KLHL29: variants seen among roughly 807,000 people sequenced by gnomAD.
The protein encoded by KLHL29 is kelch-like protein 29.
Under a neutral mutation model 80.4 loss-of-function variants are expected in KLHL29, and 21 were observed. That is an observed-to-expected ratio of 0.26 (90% CI 0.19 to 0.38). The LOEUF is 0.38. KLHL29 is among the 10% of genes least tolerant of loss of function. The pLI, the probability that KLHL29 is intolerant of heterozygous loss-of-function variation, is 1.00. For missense variants in KLHL29, 867 were observed against 1,223.9 expected (o/e 0.71, Z 4.35); for synonymous variants, 511 against 526.8 (o/e 0.97, Z 0.41).
intron 6 of KLHL29, chr2:23,689,970 C>A (rs569784024): frequency 1.3e-5 from 2 of 152,338 alleles, no homozygotes; most frequent in African/African-American, 4.8e-5. Context: ...CACCTTGCCC[C>A]CTCTGCCTTC....
chr2:23,557,225 TG>T (rs1280800846), intron 2 of KLHL29, among the ~76,000 whole-genome samples: 1 of 152,204 alleles, frequency 6.6e-6, no homozygotes, highest in African/African-American at 2.4e-5. Context: ...TGGGCACACA[TG>T]TATGCCCATG....
chr2:23,471,834 G>A (rs1017455377), intron 1 of KLHL29, among the ~76,000 whole-genome samples: 2 of 151,990 alleles, frequency 1.3e-5, no homozygotes, highest in African/African-American at 2.4e-5. Flanking sequence ...TTCATTCCTG[G>A]GATTCATTTT....
At chr2:23,493,121 G>A (rs1447368427) in intron 2 of KLHL29, among the ~76,000 whole-genome samples, 1 of 152,194 alleles carries the variant, frequency 6.6e-6, no homozygotes, top group Non-Finnish European at 1.5e-5. Flanking sequence ...GCACAGGAAT[G>A]ACGTAAGGTA....
Position 23,706,731 on chromosome 2 carries a change from T to C in KLHL29, c.*67T>C, listed in dbSNP as rs939126026. ...TGAGGCAAGTGCCACGCAATGATAA[T>C]TTTCCAGCGACACCAACAAGAGGCC... On this transcript the variant is annotated 3_prime_UTR_variant, in exon 14 of 14. Transcript: ENST00000486442. 1.6e-6 allele frequency: 2 copies of C among 1,216,008 alleles called. No individual in the cohort carries two copies. Among genetic ancestry groups the C allele is most frequent in the Admixed American group, 3.2e-5 (1 of 31,358 alleles). The allele number at this position is 1,216,008 out of a possible 1,614,324, so 75.3% of individuals were successfully genotyped here.
chr2:23,516,728 T>C (rs956131395), intron 2 of KLHL29, among the ~76,000 whole-genome samples: 4 of 152,192 alleles, frequency 2.6e-5, no homozygotes, highest in Non-Finnish European at 5.9e-5. Context: ...CTCGAGCCGG[T>C]TGGCCAATCA....
intron 2 of KLHL29, among the ~76,000 whole-genome samples, chr2:23,561,332 A>G (rs958456937): frequency 6.6e-6 from 1 of 152,202 alleles, no homozygotes; most frequent in Non-Finnish European, 1.5e-5. Context: ...AAGCCCTTCC[A>G]AGTATCATGG....
At chr2:23,595,982 C>G (rs1454382751) in intron 3 of KLHL29, among the ~76,000 whole-genome samples, 1 of 152,224 alleles carries the variant, frequency 6.6e-6, no homozygotes, top group Non-Finnish European at 1.5e-5. Flanking sequence ...CAGAAGCATT[C>G]CAGAAGGTTT....
At chr2:23,554,700 G>A (rs887564896) in intron 2 of KLHL29, among the ~76,000 whole-genome samples, 5 of 152,274 alleles carry the variant, frequency 3.3e-5, no homozygotes, top group African/African-American at 7.2e-5. Context: ...GGCACTCTCC[G>A]GGCCCAGGGC....
Position 23,661,591 on chromosome 2 carries a change from C to T in KLHL29, c.940+18741C>T, listed in dbSNP as rs1222815966. Reference sequence around the variant, plus strand: ...GGGAACAAGAGTATGTAATCCTGCTCCTGGGACCAGGTCAGTTATCTGGAA... The same window carrying T: ...GGGAACAAGAGTATGTAATCCTGCTTCTGGGACCAGGTCAGTTATCTGGAA... On this transcript the variant is annotated intron_variant, in intron 5 of 13. Coordinates refer to ENST00000486442, the MANE Select transcript of KLHL29 (RefSeq NM_052920.2). 2.6e-5 allele frequency among the ~76,000 whole-genome samples: 4 copies of T among 152,222 alleles called. No homozygotes were observed. In the East Asian group the frequency reaches 5.8e-4, roughly 22 times the overall value.
chr2:23,706,283 C>T (rs1275391105), intron 13 of KLHL29, among the ~76,000 whole-genome samples, 198 bp from the exon 14 acceptor site: 3 of 152,172 alleles, frequency 2.0e-5, no homozygotes, highest in Non-Finnish European at 2.9e-5. Flanking sequence ...TGGCATAGCA[C>T]GGCTTCCTGA....
chr2:23,507,435 G>C (rs922110687), intron 2 of KLHL29, among the ~76,000 whole-genome samples: 1 of 152,198 alleles, frequency 6.6e-6, no homozygotes, highest in Non-Finnish European at 1.5e-5. Context: ...CACAGTGCAC[G>C]GGTGTCCTTC....
chr2:23,471,353 C>T (rs559592286), intron 1 of KLHL29, among the ~76,000 whole-genome samples: 1 of 152,210 alleles, frequency 6.6e-6, no homozygotes, highest in Non-Finnish European at 1.5e-5. Flanking sequence ...GTAAAAAATC[C>T]TGGGGCCCTT....
chr2:23,670,871 G>A (rs982397299), intron 5 of KLHL29, among the ~76,000 whole-genome samples: 1 of 141,974 alleles, frequency 7.0e-6, no homozygotes, highest in African/African-American at 2.6e-5. Context: ...ACCATGAAGG[G>A]CACAGAGTGG....
At chr2:23,388,761 A>AT (rs1283922993) in intron 1 of KLHL29, among the ~76,000 whole-genome samples, 1 of 151,758 alleles carries the variant, frequency 6.6e-6, no homozygotes. Flanking sequence ...AAAGGAGTTA[A>AT]TTTTTTTTCA....
At position 23,576,304 on chromosome 2, in the gene KLHL29, CAAAA is replaced by C. The variant is rs3086869; in HGVS notation, c.285+13840_285+13843del. 1.5e-3 allele frequency among the ~76,000 whole-genome samples: 195 copies of C among 131,512 alleles called. 2 individuals are homozygous for C. The highest frequency in any genetic ancestry group is 4.6e-3 in the African/African-American group (152 of 32,914). The allele number at this position is 131,512 out of a possible 152,430, so 86.3% of individuals were successfully genotyped here. ...TGGGCAACAGAGCAAGACTCTATCTCAAAAAAAAAAAAAAAAAAAACGAAATATG... is the reference window on the plus strand; with the variant it reads ...TGGGCAACAGAGCAAGACTCTATCTCAAAAAAAAAAAAAAAACGAAATATG... On this transcript the variant is annotated intron_variant, in intron 3 of 13. Coordinates refer to ENST00000486442, the MANE Select transcript of KLHL29 (RefSeq NM_052920.2).
At chr2:23,607,126 G>A (rs1005897126) in intron 3 of KLHL29, among the ~76,000 whole-genome samples, 3 of 152,206 alleles carry the variant, frequency 2.0e-5, no homozygotes, top group African/African-American at 7.2e-5. Context: ...CACACTGGGG[G>A]TTAGGTTTTG....
At chr2:23,586,970 A>G (rs1482307705) in intron 3 of KLHL29, among the ~76,000 whole-genome samples, 1 of 152,200 alleles carries the variant, frequency 6.6e-6, no homozygotes, top group African/African-American at 2.4e-5. Flanking sequence ...CCAGTCATTC[A>G]GTAGCTGATG....
intron 1 of KLHL29, among the ~76,000 whole-genome samples, chr2:23,390,650 C>CTTTT (rs70941576): frequency 3.3e-5 from 4 of 120,224 alleles, no homozygotes; most frequent in Non-Finnish European, 3.3e-5. Flanking sequence ...ACCATCTTTA[C>CTTTT]TTTTTTTTTT....
At chr2:23,534,906 ATGC>A (rs1276465064) in intron 2 of KLHL29, among the ~76,000 whole-genome samples, 8 of 152,154 alleles carry the variant, frequency 5.3e-5, no homozygotes, top group Non-Finnish European at 7.3e-5. Flanking sequence ...AATCCTGTTG[ATGC>A]TGCAGCAGTA....
Sources: allele counts gnomAD v4.1 joint callset (sites outside exome capture counted in the v4.1 genomes callset), GRCh38; gene constraint gnomAD v4.1.1; transcripts MANE v1.5; gene names NCBI Gene and HGNC (gene_info 2026-07-23, HGNC 2026-07-21).